Variants in CIMIP3 observed in about 807,000 individuals in gnomAD.
The protein encoded by CIMIP3 is ciliary microtubule inner protein 3.
chr6:42,159,538 C>T, the CIMIP3 span, among the ~76,000 whole-genome samples: 1 of 152,222 alleles, frequency 6.6e-6, no homozygotes, highest in Non-Finnish European at 1.5e-5. Flanking sequence ...TCCAAGAACC[C>T]AGAGCCCAAA....
the CIMIP3 span, chr6:42,163,090 G>C: frequency 1.4e-6 from 1 of 715,716 alleles, no homozygotes; most frequent in East Asian, 2.7e-5. Context: ...ATCCGGACAA[G>C]CTCAGGTTCA....
At chr6:42,163,126 C>T in the CIMIP3 span, 1,519 of 702,544 alleles carry the variant, frequency 2.2e-3, 15 homozygotes, top group African/African-American at 0.023. Flanking sequence ...AGTACTCCAA[C>T]TCCCTGAACC....
the CIMIP3 span, chr6:42,162,974 G>C: frequency 1.3e-5 from 9 of 708,772 alleles, no homozygotes; most frequent in Non-Finnish European, 2.6e-6. Context: ...GTCATGCAAG[G>C]GGGTGAAGGC....
chr6:42,160,110 T>C, the CIMIP3 span, among the ~76,000 whole-genome samples: 1 of 152,204 alleles, frequency 6.6e-6, no homozygotes, highest in Admixed American at 6.5e-5. Context: ...CTCAACCTCC[T>C]GAGTGGCTAG....
At chr6:42,163,371 T>C in the CIMIP3 span, 1 of 418,826 alleles carries the variant, frequency 2.4e-6, no homozygotes, top group East Asian at 3.5e-5. Flanking sequence ...AGCTGTGCCA[T>C]GCCCACCTAT....
chr6:42,157,872 T>C, the CIMIP3 span, among the ~76,000 whole-genome samples: 2 of 152,172 alleles, frequency 1.3e-5, no homozygotes, highest in African/African-American at 4.8e-5. Context: ...GGCTTCTTCC[T>C]CAACCCTCTA....
the CIMIP3 span, among the ~76,000 whole-genome samples, chr6:42,159,190 TG>T: frequency 6.6e-6 from 1 of 152,188 alleles, no homozygotes; most frequent in Non-Finnish European, 1.5e-5. Flanking sequence ...GAGACATTTT[TG>T]TTGTCACGAC....
chr6:42,158,236 C>T, the CIMIP3 span, among the ~76,000 whole-genome samples: 1 of 152,256 alleles, frequency 6.6e-6, no homozygotes, highest in Non-Finnish European at 1.5e-5. Flanking sequence ...CCAGAGCTGG[C>T]TCTGCTAGGC....
the CIMIP3 span, among the ~76,000 whole-genome samples, chr6:42,162,190 A>G: frequency 1.8e-3 from 247 of 138,864 alleles, 6 homozygotes; most frequent in East Asian, 0.037. Context: ...GAGGCGGGTG[A>G]ATCACCTGAG....
At chr6:42,157,131 A>G in the CIMIP3 span, among the ~76,000 whole-genome samples, 1 of 152,236 alleles carries the variant, frequency 6.6e-6, no homozygotes, top group Non-Finnish European at 1.5e-5. Context: ...ACCCCGGCAT[A>G]AGGGACAAAC....
the CIMIP3 span, among the ~76,000 whole-genome samples, chr6:42,160,472 G>A: frequency 3.9e-5 from 6 of 152,336 alleles, no homozygotes; most frequent in Admixed American, 1.3e-4. Context: ...TGCATAGAAC[G>A]CAGTCCTGAC....
chr6:42,156,792 G>T, the CIMIP3 span, among the ~76,000 whole-genome samples: 1 of 152,226 alleles, frequency 6.6e-6, no homozygotes, highest in Non-Finnish European at 1.5e-5. Flanking sequence ...GCCCAAGGTC[G>T]CCTGACCTGT....
chr6:42,163,204 G>A, the CIMIP3 span: 9 of 593,500 alleles, frequency 1.5e-5, no homozygotes, highest in African/African-American at 9.5e-5. Flanking sequence ...ACACCCGCAA[G>A]CGCTTTGATG....
chr6:42,158,947 G>A, the CIMIP3 span, among the ~76,000 whole-genome samples: 1 of 152,208 alleles, frequency 6.6e-6, no homozygotes, highest in Non-Finnish European at 1.5e-5. Flanking sequence ...CAGGGATGGG[G>A]GGTGGGGTAT....
chr6:42,160,361 C>A, the CIMIP3 span, among the ~76,000 whole-genome samples: 1 of 152,274 alleles, frequency 6.6e-6, no homozygotes, highest in Non-Finnish European at 1.5e-5. Flanking sequence ...AGCCCCTGTG[C>A]CCTGGGGCTG....
At chr6:42,159,785 G>T in the CIMIP3 span, among the ~76,000 whole-genome samples, 1 of 152,224 alleles carries the variant, frequency 6.6e-6, no homozygotes. Flanking sequence ...GGAGCACAGG[G>T]TGTGGAAAGA....
chr6:42,162,878 G>A, the CIMIP3 span: 7 of 599,386 alleles, frequency 1.2e-5, no homozygotes, highest in Admixed American at 2.9e-5. Context: ...TGAAGTCCCA[G>A]TATCCAATGC....
At chr6:42,157,626 G>A in the CIMIP3 span, among the ~76,000 whole-genome samples, 1 of 151,660 alleles carries the variant, frequency 6.6e-6, no homozygotes, top group Admixed American at 6.6e-5. Flanking sequence ...TTGGCCTCAA[G>A]CAATCCTCCT....
At chr6:42,160,513 T>C in the CIMIP3 span, among the ~76,000 whole-genome samples, 2 of 152,180 alleles carry the variant, frequency 1.3e-5, no homozygotes, top group Admixed American at 1.3e-4. Context: ...TGTTGGGACT[T>C]TAGCAAAGGA....
Sources: gnomAD v4.1 joint callset for allele counts (sites outside exome capture counted in the v4.1 genomes callset) on GRCh38, gnomAD v4.1.1 for gene constraint, MANE v1.5 for transcripts, NCBI Gene and HGNC (gene_info 2026-07-23, HGNC 2026-07-21) for gene names.